The following ENTREP2 variants were observed in gnomAD, a reference collection of about 807,000 sequenced individuals.
The protein encoded by ENTREP2 is endosomal transmembrane epsin interactor 2.
the ENTREP2 span, among the ~76,000 whole-genome samples, chr15:29,629,692 G>A: frequency 6.6e-6 from 1 of 152,100 alleles, no homozygotes. Context: ...ATTGCATAAG[G>A]AGAAGGATAG....
At chr15:29,570,190 G>C in the ENTREP2 span, among the ~76,000 whole-genome samples, 1 of 151,680 alleles carries the variant, frequency 6.6e-6, no homozygotes, top group African/African-American at 2.4e-5. Flanking sequence ...TCCCCGGCGC[G>C]CGCGGTCCCC....
chr15:29,119,940 T>A, the ENTREP2 span, among the ~76,000 whole-genome samples: 1 of 152,200 alleles, frequency 6.6e-6, no homozygotes, highest in Non-Finnish European at 1.5e-5. Context: ...TACACATCTT[T>A]AAAAAACCTG....
the ENTREP2 span, among the ~76,000 whole-genome samples, chr15:29,264,142 G>A: frequency 3.2e-4 from 2 of 6,328 alleles, no homozygotes; most frequent in African/African-American, 3.7e-3. Flanking sequence ...GCGACAGAGC[G>A]AGACTCCGTC....
the ENTREP2 span, among the ~76,000 whole-genome samples, chr15:29,398,074 G>A: frequency 3.3e-5 from 5 of 150,038 alleles, no homozygotes; most frequent in Non-Finnish European, 7.4e-5. Flanking sequence ...CACAAAGCAG[G>A]TTCTCCCTGA....
the ENTREP2 span, among the ~76,000 whole-genome samples, chr15:29,397,914 T>C: frequency 6.6e-6 from 1 of 152,116 alleles, no homozygotes; most frequent in Non-Finnish European, 1.5e-5. Flanking sequence ...TAAACAGAAG[T>C]ACATTGTTTT....
At chr15:29,337,468 A>C in the ENTREP2 span, among the ~76,000 whole-genome samples, 376 of 152,300 alleles carry the variant, frequency 2.5e-3, 2 homozygotes, top group African/African-American at 8.6e-3. Context: ...TCACGTTTGT[A>C]ATTTCCAGAA....
chr15:29,272,616 G>C, the ENTREP2 span, among the ~76,000 whole-genome samples: 24 of 152,270 alleles, frequency 1.6e-4, no homozygotes, highest in Non-Finnish European at 2.6e-4. Context: ...CTAGAAGCCA[G>C]AAACAGACAC....
the ENTREP2 span, among the ~76,000 whole-genome samples, chr15:29,179,746 A>G: frequency 1.8e-5 from 2 of 113,830 alleles, no homozygotes. Context: ...ACGCCCGGCT[A>G]ATTTTTTTTT....
the ENTREP2 span, among the ~76,000 whole-genome samples, chr15:29,502,942 G>GA: frequency 2.1e-4 from 32 of 149,998 alleles, no homozygotes; most frequent in African/African-American, 3.0e-4. Context: ...AATAAAGGGG[G>GA]AAAAAAAAAC....
chr15:29,629,059 C>T, the ENTREP2 span, among the ~76,000 whole-genome samples: 1 of 152,056 alleles, frequency 6.6e-6, no homozygotes, highest in African/African-American at 2.4e-5. Flanking sequence ...CAGGTTGCAT[C>T]TTTTTATCAT....
chr15:29,326,166 C>T, the ENTREP2 span, among the ~76,000 whole-genome samples: 16 of 152,070 alleles, frequency 1.1e-4, no homozygotes, highest in Non-Finnish European at 1.5e-5. Context: ...CAAAAAAGAA[C>T]AAGGCAAGGA....
At chr15:29,256,830 G>A in the ENTREP2 span, among the ~76,000 whole-genome samples, 13 of 151,970 alleles carry the variant, frequency 8.6e-5, no homozygotes, top group Non-Finnish European at 1.8e-4. Context: ...TTTATTAATA[G>A]GCAAGCATTT....
chr15:29,574,803 C>T, the ENTREP2 span, among the ~76,000 whole-genome samples: 1,142 of 152,236 alleles, frequency 7.5e-3, 18 homozygotes, highest in African/African-American at 0.026. Flanking sequence ...GCCTCTCTTA[C>T]GCAGTAGAGA....
the ENTREP2 span, among the ~76,000 whole-genome samples, chr15:29,650,608 CA>C: frequency 7.2e-4 from 104 of 143,736 alleles, no homozygotes; most frequent in South Asian, 8.9e-4. Flanking sequence ...AAACAAAAAA[CA>C]AAAAAAAAAA....
chr15:29,325,796 A>G, the ENTREP2 span, among the ~76,000 whole-genome samples: 1 of 152,194 alleles, frequency 6.6e-6, no homozygotes, highest in African/African-American at 2.4e-5. Flanking sequence ...ATAGAGCATA[A>G]AAAAGGGAAA....
the ENTREP2 span, among the ~76,000 whole-genome samples, chr15:29,264,172 CCT>C: frequency 3.0e-5 from 2 of 66,338 alleles, no homozygotes; most frequent in African/African-American, 1.4e-4. Context: ...AAAAGAACTC[CCT>C]CTCTTTTTGT....
the ENTREP2 span, among the ~76,000 whole-genome samples, chr15:29,241,199 C>G: frequency 6.6e-6 from 1 of 152,212 alleles, no homozygotes; most frequent in Admixed American, 6.5e-5. Flanking sequence ...GTCAGGCCTG[C>G]GATAGCAAAA....
the ENTREP2 span, among the ~76,000 whole-genome samples, chr15:29,640,673 CA>C: frequency 5.3e-5 from 8 of 151,688 alleles, no homozygotes; most frequent in African/African-American, 1.7e-4. Context: ...CAAAACAAAA[CA>C]AAAAAACCAA....
chr15:29,422,482 G>T, the ENTREP2 span, among the ~76,000 whole-genome samples: 3 of 152,130 alleles, frequency 2.0e-5, no homozygotes, highest in Non-Finnish European at 4.4e-5. Context: ...AAAGAGAACG[G>T]CAGGGTAAAC....
Sources: gnomAD v4.1 joint callset for allele counts (sites outside exome capture counted in the v4.1 genomes callset) on GRCh38, gnomAD v4.1.1 for gene constraint, MANE v1.5 for transcripts, NCBI Gene and HGNC (gene_info 2026-07-23, HGNC 2026-07-21) for gene names.